Variants in PCDHGA4 observed in about 807,000 individuals in gnomAD.
PCDHGA4 encodes the protein protocadherin gamma subfamily A, 4, also known as protocadherin gamma-A4.
In PCDHGA4, 38 loss-of-function variants were observed where a neutral mutation model predicts 54.6. The observed-to-expected ratio is 0.70, with a 90% CI of 0.54 to 0.91. The LOEUF (loss-of-function observed/expected upper bound fraction) is 0.91. PCDHGA4 is among the 40% of genes least tolerant of loss of function. PCDHGA4 has a pLI of 0.00. For missense variants in PCDHGA4, 1,298 were observed against 1,220.9 expected (o/e 1.06, Z -0.94); for synonymous variants, 511 against 512.9 (o/e 1.00, Z 0.05).
intron 1 of PCDHGA4, among the ~76,000 whole-genome samples, chr5:141,446,802 G>T (rs2098516342): frequency 6.6e-6 from 1 of 152,130 alleles, no homozygotes; most frequent in South Asian, 2.1e-4. Flanking sequence ...CTTCCATTGT[G>T]ATCATCTAGT....
In PCDHGA4 at chr5:141,372,278, G is replaced by T. The variant is rs756938433; in HGVS notation, c.2514+14657G>T. The T allele has an allele frequency of 5.6e-6, 9 of 1,613,150 alleles. No individual in the cohort carries two copies. The Admixed American group carries it at 1.5e-4, about 27-fold the overall frequency. On this transcript the variant is annotated intron_variant, in intron 1 of 3. Coordinates refer to ENST00000571252, the MANE Select transcript of PCDHGA4 (RefSeq NM_018917.4). ...GCCTGCGCACGGGTGAGGTGCGCAC[G>T]GCGCGTACCTTGGGCGACAGGGAGG...
intron 1 of PCDHGA4, among the ~76,000 whole-genome samples, chr5:141,475,520 C>T (rs2099364531): frequency 6.6e-6 from 1 of 152,204 alleles, no homozygotes; most frequent in Non-Finnish European, 1.5e-5. Context: ...CACGGAAATG[C>T]TAAATGCCTC....
At chr5:141,365,031 A>C (rs766626786) in intron 1 of PCDHGA4, 14 of 1,613,758 alleles carry the variant, frequency 8.7e-6, no homozygotes, top group African/African-American at 1.3e-5. Flanking sequence ...ACGGTCCTCG[A>C]CGCAAACGAC....
chr5:141,357,606 A>G lies in PCDHGA4; in HGVS notation c.2499A>G (p.Gly833=). 6.2e-7 allele frequency: 1 copy of G among 1,614,052 alleles called. No individual in the cohort carries two copies. The highest frequency in any genetic ancestry group is 1.7e-4 in the Middle Eastern group (1 of 6,060). The change falls in exon 1 of 4, where the codon GGA becomes GGG. Residue 833 remains glycine (G), a synonymous_variant. Transcript: ENST00000571252. Reference sequence around the variant, plus strand: ...CTCAGGATTTACTTGAAACAAAAGGAGACCCTAATCTTCAGGTGAGTCAAT... The same window carrying G: ...CTCAGGATTTACTTGAAACAAAAGGGGACCCTAATCTTCAGGTGAGTCAAT... ...LITQDLLETK[G]DPNLQQAPPN...
At position 141,431,211 on chromosome 5, in the gene PCDHGA4, G is replaced by C. The variant is rs1054638121; in HGVS notation, c.2515-63596G>C. Reference sequence around the variant, plus strand: ...AGTGAAAATGCAGCCACTGAGATGCGGTTCCCTCTACCCCACGCCTGGGAT... The same window carrying C: ...AGTGAAAATGCAGCCACTGAGATGCCGTTCCCTCTACCCCACGCCTGGGAT... On this transcript the variant is annotated intron_variant, in intron 1 of 3. Coordinates refer to ENST00000571252, the MANE Select transcript of PCDHGA4 (RefSeq NM_018917.4). This position sits in a 1 kb window ranked among gnomAD's most constrained non-coding sequence, Gnocchi z 4.8. 1.2e-6 allele frequency: 2 copies of C among 1,614,122 alleles called. No individual in the cohort carries two copies. Among genetic ancestry groups the C allele is most frequent in the Non-Finnish European group, 1.7e-6 (2 of 1,180,036 alleles).
intron 1 of PCDHGA4, chr5:141,423,297 C>T: frequency 1.9e-6 from 3 of 1,614,170 alleles, no homozygotes; most frequent in South Asian, 1.1e-5. Flanking sequence ...CCTCAGACCT[C>T]TCGCTGTACT....
At chr5:141,392,585 G>A (rs749915419) in intron 1 of PCDHGA4, 4 of 468,068 alleles carry the variant, frequency 8.5e-6, no homozygotes, top group Non-Finnish European at 1.5e-5. Context: ...TGTAAGCGCC[G>A]CTGTTCACCT....
Position 141,418,943 on chromosome 5 carries a change from C to T in PCDHGA4, c.2514+61322C>T, listed in dbSNP as rs751344893. On this transcript the variant is annotated intron_variant, in intron 1 of 3. Coordinates refer to ENST00000571252, the MANE Select transcript of PCDHGA4 (RefSeq NM_018917.4). ...TGATCAGATTATGGAGGATTCCCCT[C>T]CAGGAGTGGTTGTTGCCCTCTTCAA... The T allele has an allele frequency of 3.1e-6, 5 of 1,613,914 alleles. No homozygotes were observed. The African/African-American group carries it at 6.7e-5, about 22-fold the overall frequency.
At chr5:141,362,477 T>G in intron 1 of PCDHGA4, 1 of 1,614,056 alleles carries the variant, frequency 6.2e-7, no homozygotes, top group Non-Finnish European at 8.5e-7. Flanking sequence ...CAAGATCTCG[T>G]CTGTGACAAT....
At position 141,371,726 on chromosome 5, in the gene PCDHGA4, T is replaced by A. The variant is rs769173416; in HGVS notation, c.2514+14105T>A. The A allele has an allele frequency of 9.9e-6, 16 of 1,613,932 alleles. 2 individuals carry two copies. In the South Asian group the frequency reaches 1.3e-4, roughly 13 times the overall value. The stretch of plus-strand genomic sequence containing the variant: ...AGACCATCACTCTGCACATCCTTGA[T>A]GTCAACGACAACGTTCCCGTTTTCC... On this transcript the variant is annotated intron_variant, in intron 1 of 3. Coordinates refer to ENST00000571252, the MANE Select transcript of PCDHGA4 (RefSeq NM_018917.4).
chr5:141,412,534 A>G (rs1324712420), intron 1 of PCDHGA4: 1 of 152,192 alleles, frequency 6.6e-6, no homozygotes, highest in African/African-American at 2.4e-5. Context: ...ACAATTATAA[A>G]GCTTCAGAGT....
intron 1 of PCDHGA4, chr5:141,399,983 C>T (rs767278001): frequency 7.4e-6 from 12 of 1,612,374 alleles, no homozygotes; most frequent in Non-Finnish European, 1.0e-5. Context: ...GGGCTGCGCA[C>T]AGGAGAGGTG....
chr5:141,398,962 T>A lies in PCDHGA4; in HGVS notation c.2514+41341T>A, dbSNP rs568248356. ...CGAGGGCATCAACTCAGAAATTACT[T>A]ATTCCTTCTACAGAACCGGGCAAAT... On this transcript the variant is annotated intron_variant, in intron 1 of 3. Coordinates refer to ENST00000571252, the MANE Select transcript of PCDHGA4 (RefSeq NM_018917.4). The A allele has an allele frequency of 2.6e-5, 42 of 1,613,934 alleles. No individual in the cohort carries two copies. Among genetic ancestry groups the A allele is most frequent in the Middle Eastern group, 3.3e-4 (2 of 6,062 alleles).
chr5:141,367,803 T>C (rs760615921), intron 1 of PCDHGA4: 4 of 152,152 alleles, frequency 2.6e-5, no homozygotes, highest in African/African-American at 7.2e-5. Flanking sequence ...TCTTCTGTTA[T>C]AGATAAACCC....
At chr5:141,456,860 G>A (rs1345260160) in intron 1 of PCDHGA4, among the ~76,000 whole-genome samples, 1 of 152,170 alleles carries the variant, frequency 6.6e-6, no homozygotes, top group African/African-American at 2.4e-5. Flanking sequence ...CTAATTGGGA[G>A]GCTGAGGCAG....
intron 2 of PCDHGA4, among the ~76,000 whole-genome samples, chr5:141,496,040 AT>A (rs2099765531): frequency 1.3e-5 from 2 of 150,356 alleles, no homozygotes; most frequent in Admixed American, 6.6e-5. Flanking sequence ...TCTGTCTCTC[AT>A]TTTTTTGTGC....
At chr5:141,376,285 C>A in intron 1 of PCDHGA4, 2 of 1,614,230 alleles carry the variant, frequency 1.2e-6, no homozygotes, top group Non-Finnish European at 1.7e-6. Context: ...GCTTAGCGAG[C>A]ATGCCCGGCT....
At chr5:141,394,507 C>T in intron 1 of PCDHGA4, 1 of 1,614,214 alleles carries the variant, frequency 6.2e-7, no homozygotes, top group South Asian at 1.1e-5. Flanking sequence ...ATCCTGTACC[C>T]CGCCCTCCCC....
chr5:141,427,998 C>T, intron 1 of PCDHGA4: 1 of 1,600,956 alleles, frequency 6.2e-7, no homozygotes, highest in Non-Finnish European at 8.6e-7. Flanking sequence ...TGGCTCCGCA[C>T]TCTTCGATAT....
Sources: gnomAD v4.1 joint callset for allele counts (sites outside exome capture counted in the v4.1 genomes callset) on GRCh38, gnomAD v4.1.1 for gene constraint, Gnocchi (gnomAD v3.1) non-coding constraint, MANE v1.5 for transcripts, NCBI Gene and HGNC (gene_info 2026-07-23, HGNC 2026-07-21) for gene names.